The following STUM variants were observed in gnomAD, a reference collection of about 807,000 sequenced individuals.
STUM encodes the protein protein stum homolog.
In STUM, 8 loss-of-function variants were observed where a neutral mutation model predicts 15.3. The ratio of observed to expected loss-of-function variants is 0.52; its 90% confidence interval spans 0.31 to 0.94. The LOEUF is 0.94. STUM is among the 40% of genes least tolerant of loss of function. The probability of loss-of-function intolerance (pLI) is 0.05; values close to 1 mark genes in which losing one functional copy is unlikely to be tolerated. For missense variants in STUM, 142 were observed against 204.9 expected, an observed-to-expected ratio of 0.69 and a Z score of 1.87; for synonymous variants, 78 against 88.7, an observed-to-expected ratio of 0.88 and a Z score of 0.68.
chr1:226,574,484 C>T (rs764758345), intron 1 of STUM, among the ~76,000 whole-genome samples: 3 of 152,172 alleles, frequency 2.0e-5, no homozygotes, highest in East Asian at 1.9e-4. Flanking sequence ...GTCGTTGGCC[C>T]GGCTTGAGTT....
intron 1 of STUM, among the ~76,000 whole-genome samples, chr1:226,563,342 G>A (rs1667571867): frequency 1.3e-5 from 2 of 152,222 alleles, no homozygotes; most frequent in South Asian, 4.1e-4. Flanking sequence ...AGGGCACAAG[G>A]TGGCATTGAT....
chr1:226,600,486 T>A lies in STUM; in HGVS notation c.383-180T>A. 2 of 699,540 alleles carry A rather than the reference T, an allele frequency of 2.9e-6. No individual in the cohort carries two copies. Among genetic ancestry groups the A allele is most frequent in the Admixed American group, 4.4e-5 (2 of 45,536 alleles). 43.3% of individuals were successfully genotyped at this position (699,540 alleles called of 1,614,324 possible). A position where few individuals can be genotyped will look rare whatever the true frequency, so the allele number is the denominator to read the frequency against. ...GTCACCATGAGTACTGAGCACTCCCTGCCTGGGGATGGCGTCTGAGAAGCC... is the reference window on the plus strand; with the variant it reads ...GTCACCATGAGTACTGAGCACTCCCAGCCTGGGGATGGCGTCTGAGAAGCC... On this transcript the variant is annotated intron_variant, in intron 2 of 3. Coordinates refer to ENST00000366788, the MANE Select transcript of STUM (RefSeq NM_001003665.4). The surrounding 1 kb of genome is among the most constrained non-coding windows in gnomAD (Gnocchi z 5.2).
chr1:226,554,056 A>G (rs665165), intron 1 of STUM, among the ~76,000 whole-genome samples: 7,689 of 152,200 alleles, frequency 0.051, 616 homozygotes, highest in African/African-American at 0.17. Context: ...CTGTCCACTG[A>G]TACCCGGTTT....
At chr1:226,595,235 T>C (rs978523469) in intron 1 of STUM, among the ~76,000 whole-genome samples, 2 of 152,078 alleles carry the variant, frequency 1.3e-5, no homozygotes, top group East Asian at 1.9e-4. Context: ...AGATAAAGCG[T>C]CTCACCCTGG....
chr1:226,589,611 A>G (rs12126183), intron 1 of STUM, among the ~76,000 whole-genome samples: 8,301 of 152,246 alleles, frequency 0.055, 338 homozygotes, highest in Non-Finnish European at 0.084. Flanking sequence ...TGCAAACCAC[A>G]TGTCTGTGCC....
rs961207949 is a variant in STUM, at chr1:226,565,257, T to A, written c.202+16151T>A. ...AGGCCCAAGGGTGGGAGTGGCCTCC[T>A]GCTGTTGCTGGGTACCAGCATTTCA... On this transcript the variant is annotated intron_variant, in intron 1 of 3. Transcript: ENST00000366788. The surrounding 1 kb of genome is among the most constrained non-coding windows in gnomAD (Gnocchi z 4.4). 6.6e-6 allele frequency among the ~76,000 whole-genome samples: 1 copy of A among 152,204 alleles called. No individual in the cohort carries two copies. Among genetic ancestry groups the A allele is most frequent in the African/African-American group, 2.4e-5 (1 of 41,466 alleles).
intron 1 of STUM, among the ~76,000 whole-genome samples, chr1:226,575,299 CAGAT>C (rs1212807620): frequency 1.3e-5 from 2 of 152,236 alleles, no homozygotes; most frequent in African/African-American, 2.4e-5. Context: ...CCCTATTGCA[CAGAT>C]AGATAGTGTG....
intron 1 of STUM, among the ~76,000 whole-genome samples, chr1:226,587,193 G>A (rs1351170655): frequency 1.3e-5 from 2 of 152,152 alleles, no homozygotes; most frequent in African/African-American, 4.8e-5. Context: ...AATAAGCACA[G>A]GGAAGCTGAT....
At chr1:226,571,347 G>A (rs1344852843) in intron 1 of STUM, among the ~76,000 whole-genome samples, 1 of 152,208 alleles carries the variant, frequency 6.6e-6, no homozygotes, top group African/African-American at 2.4e-5. Context: ...GGTCTAGGAA[G>A]TACCATAACT....
At chr1:226,580,470 CCTGAGGGCTT>C (rs1023933839) in intron 1 of STUM, among the ~76,000 whole-genome samples, 7 of 151,870 alleles carry the variant, frequency 4.6e-5, no homozygotes, top group African/African-American at 1.7e-4. Flanking sequence ...TAGGGCTGAG[CCTGAGGGCTT>C]CAACATTTCA....
At chr1:226,554,588 G>A (rs966444988) in intron 1 of STUM, among the ~76,000 whole-genome samples, 2 of 152,188 alleles carry the variant, frequency 1.3e-5, no homozygotes, top group Non-Finnish European at 2.9e-5. Flanking sequence ...GTGTATTACA[G>A]CAGAAAGTGG....
chr1:226,561,611 A>T (rs1179138245), intron 1 of STUM, among the ~76,000 whole-genome samples: 2 of 152,104 alleles, frequency 1.3e-5, no homozygotes, highest in East Asian at 3.8e-4. Context: ...CACCAACTCT[A>T]ATTACCCTGT....
intron 1 of STUM, among the ~76,000 whole-genome samples, chr1:226,573,215 G>A (rs1453021569): frequency 6.6e-6 from 1 of 152,184 alleles, no homozygotes; most frequent in Admixed American, 6.5e-5. Flanking sequence ...TTCTAACCTT[G>A]GCCAGGTCAA....
chr1:226,586,265 G>A (rs1043209345), intron 1 of STUM, among the ~76,000 whole-genome samples: 1 of 152,116 alleles, frequency 6.6e-6, no homozygotes, highest in African/African-American at 2.4e-5. Context: ...ACTCCCAGGG[G>A]TCACCCACGC....
At chr1:226,561,795 A>T (rs927521164) in intron 1 of STUM, among the ~76,000 whole-genome samples, 1 of 152,112 alleles carries the variant, frequency 6.6e-6, no homozygotes, top group African/African-American at 2.4e-5. Flanking sequence ...TAAAGTGTCT[A>T]CCCTTGGAAT....
At chr1:226,583,917 T>G (rs1440742288) in intron 1 of STUM, among the ~76,000 whole-genome samples, 2 of 152,218 alleles carry the variant, frequency 1.3e-5, no homozygotes, top group African/African-American at 4.8e-5. Flanking sequence ...TCTTCTATTC[T>G]TCTTCCCCCT....
At chr1:226,562,343 C>T (rs2102689438) in intron 1 of STUM, among the ~76,000 whole-genome samples, 1 of 152,088 alleles carries the variant, frequency 6.6e-6, no homozygotes, top group East Asian at 1.9e-4. Flanking sequence ...GTGGTGCATG[C>T]CTGTAGTCTC....
At chr1:226,579,576 C>T (rs963382745) in intron 1 of STUM, among the ~76,000 whole-genome samples, 5 of 151,512 alleles carry the variant, frequency 3.3e-5, no homozygotes, top group Admixed American at 6.6e-5. Context: ...CCTCACTGGC[C>T]GAGAAAGAGT....
At chr1:226,578,529 C>G (rs965512853) in intron 1 of STUM, among the ~76,000 whole-genome samples, 2 of 151,194 alleles carry the variant, frequency 1.3e-5, no homozygotes, top group Non-Finnish European at 2.9e-5. Context: ...CCATGCCTGG[C>G]TAATTTTTAA....
Sources: gnomAD v4.1 joint callset for allele counts (sites outside exome capture counted in the v4.1 genomes callset) on GRCh38, gnomAD v4.1.1 for gene constraint, Gnocchi (gnomAD v3.1) non-coding constraint, MANE v1.5 for transcripts, NCBI Gene and HGNC (gene_info 2026-07-23, HGNC 2026-07-21) for gene names.